The following RFX8 variants were observed in gnomAD, a reference collection of about 807,000 sequenced individuals.
RFX8 encodes the protein regulatory factor X8, also known as DNA-binding protein RFX8.
In RFX8, 46 loss-of-function variants were observed where a neutral mutation model predicts 54.6. That is an observed-to-expected ratio of 0.84 (90% CI 0.67 to 1.08). The LOEUF is 1.08. RFX8 is among the 50% of genes least tolerant of loss of function. The pLI is 0.00. For missense variants in RFX8, 536 were observed against 562.3 expected, an observed-to-expected ratio of 0.95 and a Z score of 0.47; for synonymous variants, 192 against 209.5, an observed-to-expected ratio of 0.92 and a Z score of 0.72.
chr2:101,401,429 G>A lies in RFX8; in HGVS notation c.1245+1007C>T, dbSNP rs544672675. 5.3e-5 allele frequency among the ~76,000 whole-genome samples: 8 copies of A among 152,306 alleles called. No homozygotes were observed. In the East Asian group the frequency reaches 9.6e-4, roughly 18 times the overall value. ...TGTTATTCTGCGGACTCTAAGGCAT[G>A]AAGAGTTTTAGGCTGTGACTCACTG... On this transcript the variant is annotated intron_variant, in intron 11 of 11. Coordinates refer to ENST00000428343, the MANE Select transcript of RFX8 (RefSeq NM_001145664.2).
intron 9 of RFX8, among the ~76,000 whole-genome samples, chr2:101,409,971 C>G (rs894939776): frequency 2.6e-5 from 4 of 152,100 alleles, no homozygotes; most frequent in African/African-American, 9.7e-5. Flanking sequence ...CCACATTGGT[C>G]GAAAGGATCA....
chr2:101,437,364 G>A (rs1013227676), intron 2 of RFX8, among the ~76,000 whole-genome samples: 1 of 152,098 alleles, frequency 6.6e-6, no homozygotes, highest in African/African-American at 2.4e-5. Flanking sequence ...CTTGAGGCCA[G>A]GAGTTCAAGA....
chr2:101,406,633 T>A (rs564717489), intron 9 of RFX8, among the ~76,000 whole-genome samples: 4 of 152,286 alleles, frequency 2.6e-5, no homozygotes, highest in Admixed American at 2.6e-4. Context: ...TAAGCCACCA[T>A]GCCCAGCACC....
rs766989040 is a variant in RFX8 at position 101,420,032 on chromosome 2, A to G, written c.238-1068T>C. On this transcript the variant is annotated intron_variant, in intron 4 of 11. Coordinates refer to ENST00000428343, the MANE Select transcript of RFX8 (RefSeq NM_001145664.2). ...CTCTAACCTGCCCTGTTTATCTCTG[A>G]TATCACTGTCACTGCCCCAGAACCC... Among the ~76,000 whole-genome samples the G allele has an allele frequency of 3.3e-5, 5 of 152,096 alleles. 1 individual carries two copies. The highest frequency in any genetic ancestry group is 1.3e-4 in the Admixed American group (2 of 15,258).
At chr2:101,470,534 C>T (rs1689917870) in intron 1 of RFX8, among the ~76,000 whole-genome samples, 1 of 152,060 alleles carries the variant, frequency 6.6e-6, no homozygotes, top group Non-Finnish European at 1.5e-5. Context: ...CACTAGATTC[C>T]TTGCTTAGCT....
At chr2:101,415,343 A>G (rs1019932615) in intron 6 of RFX8, among the ~76,000 whole-genome samples, 8 of 152,198 alleles carry the variant, frequency 5.3e-5, no homozygotes, top group African/African-American at 1.9e-4. Context: ...AAAGACAGCC[A>G]TCTGTGAACT....
chr2:101,407,702 A>C lies in RFX8; in HGVS notation c.814-1645T>G, dbSNP rs188595504. ...GCAAGACTCCATCTCAATTAAAAAAAAAAACAAAACACAGGGATACTTCCT... is the reference window on the plus strand; with the variant it reads ...GCAAGACTCCATCTCAATTAAAAAACAAAACAAAACACAGGGATACTTCCT... On this transcript the variant is annotated intron_variant, in intron 9 of 11. Transcript: ENST00000428343. Among the ~76,000 whole-genome samples the C allele has an allele frequency of 4.1e-3, 625 of 152,212 alleles. 5 individuals carry two copies. The highest frequency in any genetic ancestry group is 0.014 in the African/African-American group (573 of 41,524).
At chr2:101,450,801 A>G (rs1253077563) in intron 2 of RFX8, 28 of 619,530 alleles carry the variant, frequency 4.5e-5, no homozygotes, top group Non-Finnish European at 8.0e-5. Context: ...CATTGGCTGC[A>G]TTTCTCTGGA....
chr2:101,455,865 A>G (rs939573498), intron 2 of RFX8, among the ~76,000 whole-genome samples: 3 of 152,144 alleles, frequency 2.0e-5, no homozygotes, highest in Admixed American at 6.5e-5. Context: ...ACGTTCTTCC[A>G]TTTGTTTGTG....
chr2:101,410,389 A>C (rs1686048134), intron 9 of RFX8, among the ~76,000 whole-genome samples: 1 of 51,196 alleles, frequency 2.0e-5, no homozygotes, highest in Non-Finnish European at 3.9e-5. Context: ...ATATGCCCAC[A>C]CTCACACACA....
intron 2 of RFX8, among the ~76,000 whole-genome samples, chr2:101,443,900 G>A (rs1423186885): frequency 6.6e-5 from 10 of 152,126 alleles, no homozygotes; most frequent in Non-Finnish European, 8.8e-5. Flanking sequence ...CAGCTTCAGA[G>A]TTCTGGTAGA....
chr2:101,460,593 C>T lies in RFX8; in HGVS notation c.72+6184G>A, dbSNP rs192265150. ...TGACATGCATGTTGAGAGTGGAAAT[C>T]CTGGATCATCAAGAAATTACAAAAC... On this transcript the variant is annotated intron_variant, in intron 2 of 11. Coordinates refer to ENST00000428343, the MANE Select transcript of RFX8 (RefSeq NM_001145664.2). 1.5e-3 allele frequency among the ~76,000 whole-genome samples: 223 copies of T among 152,098 alleles called. 1 individual carries two copies. The highest frequency in any genetic ancestry group is 5.1e-3 in the African/African-American group (211 of 41,482).
At chr2:101,405,812 CTA>C in intron 10 of RFX8, 129 bp downstream of exon 10, 1 of 521,378 alleles carries the variant, frequency 1.9e-6, no homozygotes, top group Non-Finnish European at 3.3e-6. Flanking sequence ...TTTGCTGTAT[CTA>C]TGTTATATTT....
intron 2 of RFX8, among the ~76,000 whole-genome samples, chr2:101,459,808 C>T (rs1345245538): frequency 6.6e-6 from 1 of 152,210 alleles, no homozygotes; most frequent in Non-Finnish European, 1.5e-5. Flanking sequence ...AAGTTGTCTG[C>T]TGCCTTTTGT....
chr2:101,469,074 A>ACACG (rs1362137374), intron 1 of RFX8, among the ~76,000 whole-genome samples: 2 of 8,710 alleles, frequency 2.3e-4, no homozygotes, highest in African/African-American at 1.2e-3. Flanking sequence ...ATGTATATAT[A>ACACG]TATAAGTGTA....
chr2:101,405,486 G>A (rs1685676285), intron 10 of RFX8, among the ~76,000 whole-genome samples: 1 of 152,040 alleles, frequency 6.6e-6, no homozygotes, highest in African/African-American at 2.4e-5. Context: ...TCAAAGATGT[G>A]ACCTTCCCCA....
intron 2 of RFX8, among the ~76,000 whole-genome samples, chr2:101,442,528 C>T (rs1688153194): frequency 1.3e-5 from 2 of 151,474 alleles, no homozygotes; most frequent in South Asian, 4.2e-4. Flanking sequence ...GTTGACAGTT[C>T]TTATCTCAGC....
At position 101,447,009 on chromosome 2, in the gene RFX8, T is replaced by A. The variant is rs117654221; in HGVS notation, c.72+19768A>T. ...TCCATCCCCGTGACTAAGAGATGAA[T>A]AAGAGATGTAAGAGGAAGAGCTGGT... On this transcript the variant is annotated intron_variant, in intron 2 of 11. Coordinates refer to ENST00000428343, the MANE Select transcript of RFX8 (RefSeq NM_001145664.2). 2.4e-4 allele frequency among the ~76,000 whole-genome samples: 36 copies of A among 152,328 alleles called. No homozygotes were observed. The East Asian group carries it at 6.7e-3, about 29-fold the overall frequency.
intron 2 of RFX8, chr2:101,435,067 A>G (rs1687699135): frequency 6.6e-6 from 1 of 152,278 alleles, no homozygotes; most frequent in Non-Finnish European, 1.5e-5. Context: ...GCTCGCCGCC[A>G]GCGCGGTGCA....
Sources: allele counts gnomAD v4.1 joint callset (sites outside exome capture counted in the v4.1 genomes callset), GRCh38; gene constraint gnomAD v4.1.1; transcripts MANE v1.5; gene names NCBI Gene and HGNC (gene_info 2026-07-23, HGNC 2026-07-21).